DAAM2: variants seen among roughly 807,000 people sequenced by gnomAD.
DAAM2 encodes disheveled-associated activator of morphogenesis 2.
DAAM2 carries 39 observed loss-of-function variants against 120.7 expected under a neutral mutation model. That is an observed-to-expected ratio of 0.32 (90% CI 0.25 to 0.42). The LOEUF is 0.42. DAAM2 is among the 10% of genes least tolerant of loss of function. The probability of loss-of-function intolerance (pLI) is 1.00; values close to 1 mark genes in which losing one functional copy is unlikely to be tolerated. For synonymous variants in DAAM2, 488 were observed against 524.9 expected (o/e 0.93, Z 0.96); for missense variants, 1,283 against 1,401.7 (o/e 0.92, Z 1.35).
At chr6:39,874,925 C>CT (rs1384394531) in intron 10 of DAAM2, among the ~76,000 whole-genome samples, 1 of 152,014 alleles carries the variant, frequency 6.6e-6, no homozygotes, top group Non-Finnish European at 1.5e-5. Flanking sequence ...ATCCTAAAAT[C>CT]TTTTTTAAAA....
In DAAM2 at chr6:39,900,642, G is replaced by C. The variant is rs527257668; in HGVS notation, c.2811+434G>C. Among the ~76,000 whole-genome samples, 21 of 152,308 alleles carry C rather than the reference G, an allele frequency of 1.4e-4. No individual in the cohort carries two copies. In the South Asian group the frequency reaches 1.4e-3, roughly 11 times the overall value. Reference sequence around the variant, plus strand: ...ACACTAACGTGTCCATAGACCTCATGTATGGGGGTCTTATTAAAACATGGA... The same window carrying C: ...ACACTAACGTGTCCATAGACCTCATCTATGGGGGTCTTATTAAAACATGGA... On this transcript the variant is annotated intron_variant, in intron 23 of 24. Transcript: ENST00000274867.
At position 39,891,719 on chromosome 6, in the gene DAAM2, G is replaced by A; in HGVS notation, c.2338G>A (p.Glu780Lys). ...GCTGGCTGAGGCAAAGCCCAAAGTG[G>A]AAGGTAGGGCTGAGGGTTGCAGGAG... The part of the protein sequence containing the change: ...ERLAEAKPKV[E>K]AILLASRELV... The change falls in exon 19 of 25, where the codon GAA becomes AAA. Residue 780 changes from glutamate (E) to lysine (K), a missense_variant. Coordinates refer to ENST00000274867, the MANE Select transcript of DAAM2 (RefSeq NM_001201427.2). 6.2e-7 allele frequency: 1 copy of A among 1,600,006 alleles called. No homozygotes were observed. Among genetic ancestry groups the A allele is most frequent in the Non-Finnish European group, 8.5e-7 (1 of 1,173,188 alleles).
intron 17 of DAAM2, among the ~76,000 whole-genome samples, chr6:39,890,544 A>G (rs1261482636): frequency 1.3e-5 from 2 of 152,220 alleles, no homozygotes; most frequent in African/African-American, 4.8e-5. Context: ...AAGGACAGGC[A>G]AATCTGGCTA....
chr6:39,888,468 C>A (rs1304173225), intron 16 of DAAM2: 3 of 439,266 alleles, frequency 6.8e-6, no homozygotes, highest in Admixed American at 6.8e-5. Context: ...GAGACCCTCA[C>A]GTCTCTATTT....
chr6:39,854,631 T>C (rs948319992), intron 1 of DAAM2, among the ~76,000 whole-genome samples: 4 of 152,194 alleles, frequency 2.6e-5, no homozygotes, highest in African/African-American at 7.2e-5. Context: ...ACTTAGGAAA[T>C]AAAGCAGTGT....
rs200690938 is a variant in DAAM2 at position 39,836,476 on chromosome 6, TGAA to T, written c.-56-19768_-56-19766del. On this transcript the variant is annotated intron_variant, in intron 1 of 24. Coordinates refer to ENST00000274867, the MANE Select transcript of DAAM2 (RefSeq NM_001201427.2). Reference sequence around the variant, plus strand: ...ATTACTGTGATCTCTAGTTGACAAATGAAGACACTGAGCCCATGACAGGTCAAG... The same window carrying T: ...ATTACTGTGATCTCTAGTTGACAAATGACACTGAGCCCATGACAGGTCAAG... Among the ~76,000 whole-genome samples, 1,411 of 152,260 alleles carry T rather than the reference TGAA, an allele frequency of 9.3e-3. 14 individuals carry two copies. The highest frequency in any genetic ancestry group is 0.041 in the Middle Eastern group (12 of 294).
intron 1 of DAAM2, among the ~76,000 whole-genome samples, chr6:39,808,831 T>C (rs1762083925): frequency 6.6e-6 from 1 of 152,166 alleles, no homozygotes; most frequent in South Asian, 2.1e-4. Flanking sequence ...GGGACTAAAG[T>C]TGGGGGTGGC....
At chr6:39,832,608 G>A (rs545253356) in intron 1 of DAAM2, among the ~76,000 whole-genome samples, 3 of 152,296 alleles carry the variant, frequency 2.0e-5, no homozygotes, top group South Asian at 2.1e-4. Context: ...ATTTAAATGA[G>A]TTGCTTTGGA....
intron 1 of DAAM2, among the ~76,000 whole-genome samples, chr6:39,837,408 C>G (rs1763141881): frequency 6.6e-6 from 1 of 152,064 alleles, no homozygotes; most frequent in African/African-American, 2.4e-5. Flanking sequence ...CTATCATAAA[C>G]ATAGCTGCTA....
Position 39,807,188 on chromosome 6 carries a change from C to CAA in DAAM2, c.-57+14736_-57+14737dup, listed in dbSNP as rs11312011. 3.5e-3 allele frequency among the ~76,000 whole-genome samples: 400 copies of CAA among 115,870 alleles called. 4 individuals are homozygous for CAA. The highest frequency in any genetic ancestry group is 0.024 in the Middle Eastern group (5 of 206). The allele number at this position is 115,870 out of a possible 152,430, so 76.0% of individuals were successfully genotyped here. A position where few individuals can be genotyped will look rare whatever the true frequency, so the allele number is the denominator to read the frequency against. On this transcript the variant is annotated intron_variant, in intron 1 of 24. Coordinates refer to ENST00000274867, the MANE Select transcript of DAAM2 (RefSeq NM_001201427.2). ...TACGGTGGAATACTATAGAACACAG[C>CAA]AAAAAAAAAAAAAAGGGTGCTAGAC...
At chr6:39,832,605 T>A (rs1255306744) in intron 1 of DAAM2, among the ~76,000 whole-genome samples, 7 of 152,194 alleles carry the variant, frequency 4.6e-5, no homozygotes, top group Admixed American at 3.9e-4. Flanking sequence ...CTGATTTAAA[T>A]GAGTTGCTTT....
At chr6:39,800,538 C>A (rs1391122255) in intron 1 of DAAM2, among the ~76,000 whole-genome samples, 1 of 152,198 alleles carries the variant, frequency 6.6e-6, no homozygotes, top group Non-Finnish European at 1.5e-5. Context: ...GGTCCACATC[C>A]CTGTGTAGTG....
chr6:39,862,976 C>G (rs1280786795), intron 3 of DAAM2, among the ~76,000 whole-genome samples: 1 of 152,064 alleles, frequency 6.6e-6, no homozygotes, highest in Admixed American at 6.6e-5. Context: ...AGCTGTAATG[C>G]TCTTTAATAG....
chr6:39,795,419 G>C (rs62402526), intron 1 of DAAM2, among the ~76,000 whole-genome samples: 4,178 of 152,252 alleles, frequency 0.027, 104 homozygotes, highest in South Asian at 0.12. Flanking sequence ...CCTGGAGAGA[G>C]AGAACTGTGA....
At chr6:39,834,486 A>G (rs1369189572) in intron 1 of DAAM2, among the ~76,000 whole-genome samples, 2 of 152,148 alleles carry the variant, frequency 1.3e-5, no homozygotes, top group Non-Finnish European at 2.9e-5. Flanking sequence ...CCTGACTCTC[A>G]GTGCTCAAGT....
At chr6:39,823,157 T>A (rs1762547843) in intron 1 of DAAM2, 2 of 152,198 alleles carry the variant, frequency 1.3e-5, no homozygotes, top group African/African-American at 2.4e-5. Flanking sequence ...TGATAGTTTT[T>A]AACTTTCAAT....
In DAAM2 at chr6:39,864,968, G is replaced by C. The variant is rs1281810422; in HGVS notation, c.334-12G>C. 1 of 1,593,332 alleles carries C rather than the reference G, an allele frequency of 6.3e-7. No individual in the cohort carries two copies. Among genetic ancestry groups the C allele is most frequent in the Admixed American group, 1.8e-5 (1 of 56,946 alleles). On this transcript the variant is annotated splice_polypyrimidine_tract_variant and intron_variant, in intron 4 of 24. Transcript: ENST00000274867. ...GGAGACAGGCAGCCCCTTTCTACCT[G>C]CTGGCCCTCAGATGCAGAGTCTGTA...
chr6:39,898,444 G>A (rs1039330514), intron 21 of DAAM2, among the ~76,000 whole-genome samples: 1 of 152,188 alleles, frequency 6.6e-6, no homozygotes, highest in Non-Finnish European at 1.5e-5. Flanking sequence ...TATCAGACAC[G>A]AACATCTAGG....
At chr6:39,868,238 G>A in intron 6 of DAAM2, 1 of 264,276 alleles carries the variant, frequency 3.8e-6, no homozygotes, top group Non-Finnish European at 7.4e-6. Context: ...GCTATACTTG[G>A]GCCAGTACCT....
Sources: gnomAD v4.1 joint callset for allele counts (sites outside exome capture counted in the v4.1 genomes callset) on GRCh38, gnomAD v4.1.1 for gene constraint, MANE v1.5 for transcripts, NCBI Gene and HGNC (gene_info 2026-07-23, HGNC 2026-07-21) for gene names.